The following ELMO1 variants were observed in gnomAD, a reference collection of about 807,000 sequenced individuals.
ELMO1 encodes engulfment and cell motility 1.
A neutral mutation model predicts 98.9 loss-of-function variants in ELMO1; 26 were observed. The observed-to-expected ratio is 0.26, with a 90% confidence interval of 0.19 to 0.36. ELMO1 has a LOEUF of 0.36. Ranked by LOEUF, ELMO1 falls within the 10% of genes least tolerant of loss-of-function variation. The pLI, the probability that ELMO1 is intolerant of heterozygous loss-of-function variation, is 1.00. For synonymous variants in ELMO1, 346 were observed against 346.0 expected (o/e 1.00, Z 0.00); for missense variants, 627 against 935.2 (o/e 0.67, Z 4.30).
At chr7:37,414,415 G>A (rs1208764718) in intron 1 of ELMO1, among the ~76,000 whole-genome samples, 1 of 152,174 alleles carries the variant, frequency 6.6e-6, no homozygotes, top group African/African-American at 2.4e-5. Flanking sequence ...GAAGAGAGAG[G>A]ACGGATAAAT....
At chr7:37,441,602 C>A (rs1250867304) in intron 1 of ELMO1, among the ~76,000 whole-genome samples, 1 of 152,180 alleles carries the variant, frequency 6.6e-6, no homozygotes, top group Non-Finnish European at 1.5e-5. Flanking sequence ...TCTGAACAAG[C>A]CAAGCTGAGC....
At chr7:37,282,569 G>A (rs546492069) in intron 4 of ELMO1, among the ~76,000 whole-genome samples, 4 of 152,128 alleles carry the variant, frequency 2.6e-5, no homozygotes, top group African/African-American at 7.2e-5. Context: ...CGGATCGACC[G>A]TTAAGGAAGC....
intron 4 of ELMO1, among the ~76,000 whole-genome samples, chr7:37,292,754 G>A (rs1374161327): frequency 1.2e-4 from 11 of 93,060 alleles, no homozygotes; most frequent in African/African-American, 1.9e-4. Flanking sequence ...TCAGCCCCCC[G>A]CCCGGCCAGC....
chr7:36,975,859 A>AAG (rs1437652721), intron 16 of ELMO1, among the ~76,000 whole-genome samples: 2 of 151,984 alleles, frequency 1.3e-5, no homozygotes, highest in African/African-American at 4.8e-5. Flanking sequence ...AAAAAAAAAA[A>AAG]AAAAGATAAA....
At chr7:36,934,202 A>G (rs1786300843) in intron 16 of ELMO1, among the ~76,000 whole-genome samples, 1 of 152,186 alleles carries the variant, frequency 6.6e-6, no homozygotes, top group African/African-American at 2.4e-5. Flanking sequence ...GGCAACGCGG[A>G]TGACAAGTCA....
chr7:36,961,330 C>T (rs966242180), intron 16 of ELMO1, among the ~76,000 whole-genome samples: 4 of 152,116 alleles, frequency 2.6e-5, no homozygotes, highest in Admixed American at 2.6e-4. Flanking sequence ...AAGACAGAGA[C>T]AGTCTTTGTG....
chr7:37,041,571 G>A (rs191040517), intron 15 of ELMO1, among the ~76,000 whole-genome samples: 12 of 152,280 alleles, frequency 7.9e-5, no homozygotes, highest in East Asian at 5.8e-4. Flanking sequence ...GCAAGGAAGC[G>A]GGGAGACACT....
At chr7:37,141,737 G>A (rs1484007182) in intron 13 of ELMO1, among the ~76,000 whole-genome samples, 1 of 152,118 alleles carries the variant, frequency 6.6e-6, no homozygotes, top group Non-Finnish European at 1.5e-5. Context: ...TGTTTCTCCA[G>A]GGCAATTTTG....
intron 1 of ELMO1, among the ~76,000 whole-genome samples, chr7:37,392,054 T>C (rs1462211832): frequency 6.6e-6 from 1 of 152,156 alleles, no homozygotes; most frequent in Non-Finnish European, 1.5e-5. Flanking sequence ...ATGAGAAATA[T>C]AGATATTCTG....
intron 1 of ELMO1, among the ~76,000 whole-genome samples, chr7:37,376,367 C>T (rs1802346071): frequency 6.6e-6 from 1 of 152,272 alleles, no homozygotes; most frequent in African/African-American, 2.4e-5. Flanking sequence ...AAGTGATAAC[C>T]AGCTATTGTT....
At chr7:37,138,076 A>G (rs375553587) in intron 13 of ELMO1, among the ~76,000 whole-genome samples, 1 of 152,304 alleles carries the variant, frequency 6.6e-6, no homozygotes, top group African/African-American at 2.4e-5. Flanking sequence ...GGATATAGCA[A>G]TGGTTGTGCT....
rs1801982674 is a variant in ELMO1, at chr7:36,853,364, T to A, written c.*2187A>T. ...AGATACATTTCTTAAACCCAGTGTC[T>A]CAGGACCTCAGAGATCCTGGTCCAG... On this transcript the variant is annotated 3_prime_UTR_variant, in exon 22 of 22. Transcript: ENST00000310758. Among the ~76,000 whole-genome samples, 1 of 152,228 alleles carries A rather than the reference T, an allele frequency of 6.6e-6. No homozygotes were observed. The highest frequency in any genetic ancestry group is 1.5e-5 in the Non-Finnish European group (1 of 68,034).
At position 37,404,344 on chromosome 7, in the gene ELMO1, G is replaced by A. The variant is rs144041859; in HGVS notation, c.-74+44331C>T. 5.0e-3 allele frequency among the ~76,000 whole-genome samples: 756 copies of A among 151,902 alleles called. 5 individuals carry two copies. The highest frequency in any genetic ancestry group is 0.017 in the African/African-American group (717 of 41,382). On this transcript the variant is annotated intron_variant, in intron 1 of 21. Coordinates refer to ENST00000310758, the MANE Select transcript of ELMO1 (RefSeq NM_014800.11). ...GCACACTGCATGCTGTCTCATACAG[G>A]TGACTGTGCGCCATGATTTCTATGG...
chr7:36,860,360 G>A (rs952930645), intron 21 of ELMO1, among the ~76,000 whole-genome samples: 12 of 152,172 alleles, frequency 7.9e-5, no homozygotes, highest in Non-Finnish European at 1.8e-4. Context: ...TGATAAATGA[G>A]AATGTCTGTA....
At chr7:37,197,376 C>T (rs565456181) in intron 13 of ELMO1, among the ~76,000 whole-genome samples, 13 of 152,308 alleles carry the variant, frequency 8.5e-5, no homozygotes, top group African/African-American at 2.6e-4. Context: ...TAGAATCCCA[C>T]GCCATGAAGC....
chr7:37,324,303 T>G (rs1439243320), intron 2 of ELMO1, among the ~76,000 whole-genome samples: 4 of 152,220 alleles, frequency 2.6e-5, no homozygotes, highest in African/African-American at 9.6e-5. Flanking sequence ...CCAGCCAATG[T>G]GCCCACACAC....
chr7:37,054,647 T>G (rs904956728), intron 15 of ELMO1, among the ~76,000 whole-genome samples: 3 of 152,206 alleles, frequency 2.0e-5, no homozygotes, highest in Admixed American at 6.5e-5. Flanking sequence ...TTTAAAAACT[T>G]CTGTTTATTC....
At chr7:37,258,569 G>A (rs2541082) in intron 6 of ELMO1, among the ~76,000 whole-genome samples, 48,264 of 152,044 alleles carry the variant, frequency 0.32, 7,787 homozygotes, top group Middle Eastern at 0.43. Flanking sequence ...AGGCAAGCTC[G>A]TAAGAAAAAA....
chr7:37,170,027 G>A (rs888484802), intron 13 of ELMO1, among the ~76,000 whole-genome samples: 13 of 151,808 alleles, frequency 8.6e-5, no homozygotes, highest in South Asian at 2.1e-4. Context: ...TCAGCCTCCC[G>A]AGTAGCTGCG....
Sources: allele counts gnomAD v4.1 joint callset (sites outside exome capture counted in the v4.1 genomes callset), GRCh38; gene constraint gnomAD v4.1.1; transcripts MANE v1.5; gene names NCBI Gene and HGNC (gene_info 2026-07-23, HGNC 2026-07-21).